SLC7A10: variants seen among roughly 807,000 people sequenced by gnomAD.
SLC7A10 encodes asc-type amino acid transporter 1.
SLC7A10 carries 30 observed loss-of-function variants against 52.7 expected under a neutral mutation model. The ratio of observed to expected loss-of-function variants is 0.57; its 90% CI spans 0.43 to 0.77. SLC7A10 has a LOEUF of 0.77. SLC7A10 is among the 30% of genes least tolerant of loss of function. The pLI is 0.00. For synonymous variants in SLC7A10, 318 were observed against 314.9 expected (o/e 1.01, Z -0.10); for missense variants, 581 against 698.5 (o/e 0.83, Z 1.90).
In SLC7A10 at chr19:33,210,680, A is replaced by G; in HGVS notation, c.1114-64T>C. The G allele has an allele frequency of 6.2e-7, 1 of 1,608,756 alleles. No homozygotes were observed. Among genetic ancestry groups the G allele is most frequent in the Admixed American group, 1.7e-5 (1 of 59,912 alleles). On this transcript the variant is annotated intron_variant, in intron 8 of 10. Coordinates refer to ENST00000253188, the MANE Select transcript of SLC7A10 (RefSeq NM_019849.3). This position sits in a 1 kb window ranked among gnomAD's most constrained non-coding sequence, Gnocchi z 5.6. ...TGCCTCCTGACGCCCCTGCAGGATG[A>G]GCCCTGGCCCCACCCCCAACCCCCA...
At chr19:33,220,081 T>C (rs544792330) in intron 1 of SLC7A10, 1 of 152,200 alleles carries the variant, frequency 6.6e-6, no homozygotes, top group South Asian at 2.1e-4. Context: ...CGCACGGGTG[T>C]CCTCACATCC....
At chr19:33,216,039 G>A (rs1177359714) in intron 1 of SLC7A10, 66 bp from the exon 2 acceptor site, 10 of 1,395,144 alleles carry the variant, frequency 7.2e-6, no homozygotes, top group African/African-American at 5.7e-5. Flanking sequence ...CTTCTGTGTG[G>A]GGATCTGCCT....
Position 33,209,172 on chromosome 19 carries a change from C to T in SLC7A10, c.1441+136G>A, listed in dbSNP as rs11671790. 0.5 allele frequency: 751,006 copies of T among 1,506,498 alleles called. 206,887 individuals are homozygous for T. Among genetic ancestry groups the T allele is most frequent in the Non-Finnish European group, 0.57 (626,580 of 1,100,818 alleles). 93.3% of individuals were successfully genotyped at this position (1,506,498 alleles called of 1,614,324 possible). A position where few individuals can be genotyped will look rare whatever the true frequency, so the allele number is the denominator to read the frequency against. On this transcript the variant is annotated intron_variant, in intron 10 of 10. Transcript: ENST00000253188. Reference sequence around the variant, plus strand: ...ACTTTGGGTACATCTTGGGAAGAGACATTTGGTGGCGGCTGGGCCCTGTGT... The same window carrying T: ...ACTTTGGGTACATCTTGGGAAGAGATATTTGGTGGCGGCTGGGCCCTGTGT...
At chr19:33,218,177 T>C (rs1237536591) in intron 1 of SLC7A10, among the ~76,000 whole-genome samples, 1 of 152,130 alleles carries the variant, frequency 6.6e-6, no homozygotes, top group Non-Finnish European at 1.5e-5. Flanking sequence ...GAGCCCACCA[T>C]GCTTCTGCTT....
intron 1 of SLC7A10, among the ~76,000 whole-genome samples, chr19:33,217,534 C>T (rs1259186423): frequency 6.6e-6 from 1 of 152,232 alleles, no homozygotes; most frequent in Non-Finnish European, 1.5e-5. Context: ...AACCCAGAAC[C>T]TCAGACCATA....
At chr19:33,216,451 C>G (rs1196862762) in intron 1 of SLC7A10, among the ~76,000 whole-genome samples, 1 of 152,176 alleles carries the variant, frequency 6.6e-6, no homozygotes, top group African/African-American at 2.4e-5. Context: ...CAGAGCTGGC[C>G]CCTAACACAG....
At chr19:33,222,876 CA>C (rs776472893) in intron 1 of SLC7A10, among the ~76,000 whole-genome samples, 3 of 152,166 alleles carry the variant, frequency 2.0e-5, no homozygotes, top group Non-Finnish European at 4.4e-5. Context: ...TTCCCATTCT[CA>C]AAAGCCTCAA....
intron 1 of SLC7A10, among the ~76,000 whole-genome samples, chr19:33,221,533 T>C (rs999979829): frequency 6.6e-6 from 1 of 152,106 alleles, no homozygotes; most frequent in African/African-American, 2.4e-5. Flanking sequence ...CACCTGTAAA[T>C]GGAACTGTAG....
At position 33,225,795 on chromosome 19, in the gene SLC7A10, C is replaced by T; in HGVS notation, c.-92G>A. 3.0e-6 allele frequency: 4 copies of T among 1,339,074 alleles called. No individual in the cohort carries two copies. Among genetic ancestry groups the T allele is most frequent in the Middle Eastern group, 2.7e-4 (1 of 3,680 alleles). 82.9% of individuals were successfully genotyped at this position (1,339,074 alleles called of 1,614,324 possible). Reference sequence around the variant, plus strand: ...CGTCGGTCCGTGAGCTCACGGCCCTCGCAGCCGGGACAGCGCCCACAGGCG... The same window carrying T: ...CGTCGGTCCGTGAGCTCACGGCCCTTGCAGCCGGGACAGCGCCCACAGGCG... On this transcript the variant is annotated 5_prime_UTR_variant, in exon 1 of 11. Transcript: ENST00000253188.
chr19:33,208,975 G>T lies in SLC7A10; in HGVS notation c.1488C>A (p.Pro496=). 1.2e-6 allele frequency: 2 copies of T among 1,613,854 alleles called. No individual in the cohort carries two copies. The highest frequency in any genetic ancestry group is 1.7e-6 in the Non-Finnish European group (2 of 1,180,036). The change falls in exon 11 of 11, where the codon CCC becomes CCA. Residue 496 remains proline, a synonymous_variant. Coordinates refer to ENST00000253188, the MANE Select transcript of SLC7A10 (RefSeq NM_019849.3). The surrounding 1 kb of genome is among the most constrained non-coding windows in gnomAD (Gnocchi z 4.7). ...TCTCCTCCTCTTCGGGGGCGTCCTG[G>T]GGGTAGACCACGAAACACAGCTCCT... ...WGQELCFVVY[P]QDAPEEEENG...
chr19:33,224,643 C>T (rs1158353270), intron 1 of SLC7A10, among the ~76,000 whole-genome samples: 1 of 152,100 alleles, frequency 6.6e-6, no homozygotes, highest in Non-Finnish European at 1.5e-5. Flanking sequence ...AGTCACTCAC[C>T]CCCCAAACCA....
At chr19:33,209,546 C>A in intron 9 of SLC7A10, 61 bp from the exon 10 acceptor site, 1 of 1,552,848 alleles carries the variant, frequency 6.4e-7, no homozygotes. Flanking sequence ...GTACCCCCGA[C>A]CCCTGGGGGT....
rs539489048 is a variant in SLC7A10, at chr19:33,208,800, A to G, written c.*91T>C. 3.2e-6 allele frequency: 5 copies of G among 1,561,988 alleles called. No homozygotes were observed. The East Asian group carries it at 6.7e-5, about 21-fold the overall frequency. On this transcript the variant is annotated 3_prime_UTR_variant, in exon 11 of 11. Coordinates refer to ENST00000253188, the MANE Select transcript of SLC7A10 (RefSeq NM_019849.3). This position sits in a 1 kb window ranked among gnomAD's most constrained non-coding sequence, Gnocchi z 4.7. Reference sequence around the variant, plus strand: ...GTCGTATCTTTTTTCTTTTTTTTCCAGAAAAAAACAAAACAAAACTTTTTT... The same window carrying G: ...GTCGTATCTTTTTTCTTTTTTTTCCGGAAAAAAACAAAACAAAACTTTTTT...
intron 1 of SLC7A10, among the ~76,000 whole-genome samples, chr19:33,216,847 T>TG (rs1459135772): frequency 6.6e-6 from 1 of 152,184 alleles, no homozygotes; most frequent in Admixed American, 6.5e-5. Flanking sequence ...CCCAAAGTGC[T>TG]GGGATTACAG....
rs1332540111 is a variant in SLC7A10, at chr19:33,209,464, C to T, written c.1285G>A (p.Ala429Thr). The T allele has an allele frequency of 6.2e-7, 1 of 1,613,792 alleles. No individual in the cohort carries two copies. The highest frequency in any genetic ancestry group is 1.3e-5 in the African/African-American group (1 of 74,894). The part of the protein sequence containing the change: ...PIKVNLLIPV[A>T]YLVFWAFLLV... ...AGGAAGGCCCAGAAGACCAAGTACGCCACGGGGATGAGAAGGTTCACCTGG... is the reference window on the plus strand; with the variant it reads ...AGGAAGGCCCAGAAGACCAAGTACGTCACGGGGATGAGAAGGTTCACCTGG... Residue 429 changes from alanine to threonine, a missense_variant, in exon 10 of 11, where the codon GCG becomes ACG. Transcript: ENST00000253188.
intron 1 of SLC7A10, among the ~76,000 whole-genome samples, chr19:33,216,216 T>C (rs1974679414): frequency 6.6e-6 from 1 of 152,130 alleles, no homozygotes; most frequent in African/African-American, 2.4e-5. Flanking sequence ...CTCGTTCAGC[T>C]GGCCAGGCCC....
At chr19:33,216,124 G>A (rs1346630626) in intron 1 of SLC7A10, 151 bp from the exon 2 acceptor site, 2 of 665,798 alleles carry the variant, frequency 3.0e-6, no homozygotes, top group African/African-American at 1.8e-5. Context: ...GGTGTTGAAT[G>A]CCACTGGCCC....
At position 33,210,774 on chromosome 19, in the gene SLC7A10, C is replaced by T. The variant is rs2145469204; in HGVS notation, c.1113+28G>A. The T allele has an allele frequency of 6.2e-7, 1 of 1,612,422 alleles. No homozygotes were observed. The highest frequency in any genetic ancestry group is 2.2e-5 in the East Asian group (1 of 44,868). On this transcript the variant is annotated intron_variant, in intron 8 of 10. Transcript: ENST00000253188. This position sits in a 1 kb window ranked among gnomAD's most constrained non-coding sequence, Gnocchi z 5.6. ...TTGCCGGGTAGCCCTGCCTCCACGC[C>T]CTGCCTGGCCCAGGTCCCCCAACTT... is the stretch of plus-strand genomic sequence containing the variant.
At chr19:33,222,471 A>C (rs11670702) in intron 1 of SLC7A10, among the ~76,000 whole-genome samples, 4,123 of 141,500 alleles carry the variant, frequency 0.029, 134 homozygotes, top group East Asian at 0.18. Context: ...AAATAAATAA[A>C]ATAAAATAAA....
Sources: gnomAD v4.1 joint callset for allele counts (sites outside exome capture counted in the v4.1 genomes callset) on GRCh38, gnomAD v4.1.1 for gene constraint, Gnocchi (gnomAD v3.1) non-coding constraint, MANE v1.5 for transcripts, NCBI Gene and HGNC (gene_info 2026-07-23, HGNC 2026-07-21) for gene names.